Variants in OR2L13 observed in about 807,000 individuals in gnomAD.
OR2L13 encodes olfactory receptor 2L13.
In OR2L13, 14 loss-of-function variants were observed where a neutral mutation model predicts 15.3. The ratio of observed to expected loss-of-function variants is 0.91; its 90% CI spans 0.60 to 1.43. OR2L13 has a LOEUF of 1.43. Ranked by LOEUF, OR2L13 falls within the 40% of genes most tolerant of loss-of-function variation. The probability of loss-of-function intolerance (pLI) is 0.00; values close to 1 mark genes in which losing one functional copy is unlikely to be tolerated. For missense variants in OR2L13, 367 were observed against 387.9 expected, an observed-to-expected ratio of 0.95 and a Z score of 0.45; for synonymous variants, 152 against 142.9, an observed-to-expected ratio of 1.06 and a Z score of -0.45.
At chr1:247,953,282 A>G in the OR2L13 span, among the ~76,000 whole-genome samples, 3 of 152,096 alleles carry the variant, frequency 2.0e-5, no homozygotes, top group East Asian at 5.8e-4. Context: ...TGCAAATGTT[A>G]TGCTGTGGTT....
the OR2L13 span, among the ~76,000 whole-genome samples, chr1:248,082,159 G>A: frequency 1.4e-5 from 2 of 145,250 alleles, no homozygotes; most frequent in Admixed American, 1.4e-4. Flanking sequence ...ATACTATGCA[G>A]CCATAAAAAA....
chr1:248,003,736 C>T, the OR2L13 span: 1 of 1,613,820 alleles, frequency 6.2e-7, no homozygotes, highest in Non-Finnish European at 8.5e-7. Flanking sequence ...TTTTGAGTGC[C>T]ACCATCTTTC....
the OR2L13 span, among the ~76,000 whole-genome samples, chr1:248,076,229 G>A: frequency 6.7e-4 from 101 of 151,274 alleles, 1 homozygote; most frequent in African/African-American, 1.4e-3. Context: ...TACCAGTACC[G>A]TGCTGCTTTG....
chr1:247,999,886 T>A, the OR2L13 span, among the ~76,000 whole-genome samples: 1 of 152,084 alleles, frequency 6.6e-6, no homozygotes, highest in African/African-American at 2.4e-5. Context: ...ATTTTCCAGC[T>A]CTATGTGTTA....
chr1:247,976,431 A>G, the OR2L13 span, among the ~76,000 whole-genome samples: 85 of 152,232 alleles, frequency 5.6e-4, no homozygotes, highest in Non-Finnish European at 1.0e-3. Context: ...GCCTAAAAGC[A>G]TCAACATTAT....
chr1:247,967,863 C>T, the OR2L13 span, among the ~76,000 whole-genome samples: 1 of 151,246 alleles, frequency 6.6e-6, no homozygotes, highest in African/African-American at 2.4e-5. Flanking sequence ...TCCTCCTCCT[C>T]CTTCTCCTCC....
the OR2L13 span, chr1:247,966,270 G>A: frequency 5.6e-6 from 9 of 1,613,366 alleles, no homozygotes; most frequent in Admixed American, 1.7e-5. Context: ...AGGAAGTGAC[G>A]GGGGCAGTGA....
At chr1:248,038,056 T>C in the OR2L13 span, 1 of 447,326 alleles carries the variant, frequency 2.2e-6, no homozygotes, top group Non-Finnish European at 3.9e-6. Flanking sequence ...TATTTGTAGT[T>C]ATTTTTGTTA....
At chr1:247,949,006 T>A in the OR2L13 span, 2 of 1,613,932 alleles carry the variant, frequency 1.2e-6, no homozygotes, top group East Asian at 4.5e-5. Flanking sequence ...CTCATCTTCT[T>A]GGACACCCAT....
At chr1:247,947,497 A>G in the OR2L13 span, among the ~76,000 whole-genome samples, 3,707 of 152,304 alleles carry the variant, frequency 0.024, 59 homozygotes, top group East Asian at 0.036. Flanking sequence ...GGAATTTCTA[A>G]CACACCTCTA....
chr1:247,988,177 T>C, the OR2L13 span, among the ~76,000 whole-genome samples: 11,530 of 152,088 alleles, frequency 0.076, 518 homozygotes, highest in East Asian at 0.16. Flanking sequence ...TTATTTGCTA[T>C]GTGCATTTCT....
the OR2L13 span, among the ~76,000 whole-genome samples, chr1:247,943,576 T>C: frequency 6.6e-6 from 1 of 152,170 alleles, no homozygotes; most frequent in Non-Finnish European, 1.5e-5. Context: ...GACTTTATGA[T>C]GAATTTATCG....
the OR2L13 span, among the ~76,000 whole-genome samples, chr1:248,050,328 A>G: frequency 2.0e-5 from 3 of 152,162 alleles, no homozygotes; most frequent in Non-Finnish European, 4.4e-5. Context: ...CCTTATAGCT[A>G]ATTCTGTTAA....
exon 3 of OR2L13, chr1:248,100,154 G>C: frequency 6.2e-7 from 1 of 1,613,854 alleles, no homozygotes; most frequent in Non-Finnish European, 8.5e-7. Flanking sequence ...ACCTATCTTC[G>C]GCCCAGGAAT....
At chr1:248,090,827 G>T (rs1664579521), upstream of OR2L13, among the ~76,000 whole-genome samples, 1 of 152,164 alleles carries the variant, frequency 6.6e-6, no homozygotes, top group South Asian at 2.1e-4. Flanking sequence ...GGCTTGAATG[G>T]TAGTTCAGTT....
chr1:247,965,678 C>G, the OR2L13 span: 3 of 1,550,012 alleles, frequency 1.9e-6, no homozygotes, highest in Non-Finnish European at 2.6e-6. Flanking sequence ...GAGATTCAAA[C>G]GTATGTGTTC....
chr1:248,069,416 G>C, the OR2L13 span, among the ~76,000 whole-genome samples: 1 of 152,140 alleles, frequency 6.6e-6, no homozygotes, highest in African/African-American at 2.4e-5. Context: ...TTACAGACAA[G>C]CAAATGCTGA....
At chr1:247,938,422 A>C in the OR2L13 span, among the ~76,000 whole-genome samples, 1 of 152,214 alleles carries the variant, frequency 6.6e-6, no homozygotes, top group Non-Finnish European at 1.5e-5. Flanking sequence ...TAAAAATCCG[A>C]ATAGCAAGAT....
the OR2L13 span, among the ~76,000 whole-genome samples, chr1:247,979,996 A>T: frequency 6.6e-6 from 1 of 152,208 alleles, no homozygotes; most frequent in African/African-American, 2.4e-5. Flanking sequence ...TTCATACAAT[A>T]ACAGTGTATC....
Sources: gnomAD v4.1 joint callset for allele counts (sites outside exome capture counted in the v4.1 genomes callset) on GRCh38, gnomAD v4.1.1 for gene constraint, MANE v1.5 for transcripts, NCBI Gene and HGNC (gene_info 2026-07-23, HGNC 2026-07-21) for gene names.